Variants in EEF1D observed in about 807,000 individuals in gnomAD.
EEF1D encodes the protein elongation factor 1-delta.
EEF1D carries 47 observed loss-of-function variants against 63.9 expected under a neutral mutation model. The observed-to-expected ratio is 0.74, with a 90% CI of 0.58 to 0.94. The LOEUF is 0.94. Among genes scored for constraint, EEF1D ranks in the 40% least tolerant of loss-of-function variants. The pLI, the probability that EEF1D is intolerant of heterozygous loss-of-function variation, is 0.00. For synonymous variants in EEF1D, 412 were observed against 386.1 expected, an observed-to-expected ratio of 1.07 and a Z score of -0.79; for missense variants, 907 against 899.0, an observed-to-expected ratio of 1.01 and a Z score of -0.11.
rs778891496 is a variant in EEF1D at position 143,589,972 on chromosome 8, G to A, written c.110C>T (p.Ala37Val). The A allele has an allele frequency of 6.3e-7, 1 of 1,599,036 alleles. No individual in the cohort carries two copies. The highest frequency in any genetic ancestry group is 1.1e-5 in the South Asian group (1 of 91,030). Residue 37 changes from alanine to valine, a missense_variant, in exon 3 of 10, where the codon GCC becomes GTC. By Grantham distance (64) the Ala-to-Val change is moderately conservative. Coordinates refer to ENST00000618139, the MANE Select transcript of EEF1D (RefSeq NM_001130053.5). ...CTCGGCTGGCAGCTGCTGGGCGGAGGCGGCCGCCTGTGTGGCCTCGTGTTC... is the reference window on the plus strand; with the variant it reads ...CTCGGCTGGCAGCTGCTGGGCGGAGACGGCCGCCTGTGTGGCCTCGTGTTC... The part of the protein sequence containing the change: ...FYEHEATQAA[A>V]SAQQLPAEGP...
chr8:143,592,144 C>G (rs1828076742), intron 2 of EEF1D: 2 of 985,516 alleles, frequency 2.0e-6, no homozygotes, highest in African/African-American at 3.5e-5. Context: ...GGGGTGGGAG[C>G]AAGAGCCCAG....
intron 2 of EEF1D, among the ~76,000 whole-genome samples, chr8:143,591,473 C>G (rs1240990269): frequency 2.0e-5 from 3 of 152,230 alleles, no homozygotes; most frequent in Non-Finnish European, 4.4e-5. Flanking sequence ...GGTCAGCACC[C>G]CAGCCCGCGC....
chr8:143,596,740 C>T (rs1006743165), intron 1 of EEF1D: 1 of 152,302 alleles, frequency 6.6e-6, no homozygotes, highest in Non-Finnish European at 1.5e-5. Context: ...TTCTTCCTTC[C>T]ACTTAAAGCC....
chr8:143,592,315 GCTC>G lies in EEF1D; in HGVS notation c.-1+329_-1+331del, dbSNP rs953225477. On this transcript the variant is annotated intron_variant, in intron 2 of 9. Transcript: ENST00000618139. ...GTGGCCTCAGACTATGTTCTTGGGGGCTCCGGGCAGAAGCCGCCGCTCAGGGAG... is the reference window on the plus strand; with the variant it reads ...GTGGCCTCAGACTATGTTCTTGGGGGCGGGCAGAAGCCGCCGCTCAGGGAG... 4.1e-6 allele frequency: 4 copies of G among 978,966 alleles called. No homozygotes were observed. The African/African-American group carries it at 7.0e-5, about 17-fold the overall frequency. The allele number at this position is 978,966 out of a possible 1,614,324, so 60.6% of individuals were successfully genotyped here. A position where few individuals can be genotyped will look rare whatever the true frequency, so the allele number is the denominator to read the frequency against.
chr8:143,580,353 C>T lies in EEF1D; in HGVS notation c.1711-147G>A. The T allele has an allele frequency of 1.6e-6, 2 of 1,237,214 alleles. 1 individual carries two copies. The highest frequency in any genetic ancestry group is 2.9e-5 in the South Asian group (2 of 68,352). 76.6% of individuals were successfully genotyped at this position (1,237,214 alleles called of 1,614,324 possible). A position where few individuals can be genotyped will look rare whatever the true frequency, so the allele number is the denominator to read the frequency against. On this transcript the variant is annotated intron_variant, in intron 8 of 9. Coordinates refer to ENST00000618139, the MANE Select transcript of EEF1D (RefSeq NM_001130053.5). The stretch of plus-strand genomic sequence containing the variant: ...GAAAACAATCCAAATTCACACCTTC[C>T]TGCCTCCAAGTTTGTGTTTATCCCA...
chr8:143,597,400 G>C lies in EEF1D; in HGVS notation c.-67C>G, dbSNP rs1267158597. 6.6e-6 allele frequency: 1 copy of C among 152,064 alleles called. No homozygotes were observed. The highest frequency in any genetic ancestry group is 1.5e-5 in the Non-Finnish European group (1 of 67,988). 9.4% of individuals were successfully genotyped at this position (152,064 alleles called of 1,614,324 possible). A position where few individuals can be genotyped will look rare whatever the true frequency, so the allele number is the denominator to read the frequency against. On this transcript the variant is annotated 5_prime_UTR_variant, in exon 1 of 10. Transcript: ENST00000618139. The stretch of plus-strand genomic sequence containing the variant: ...GAGGAGGAATCGGCGGACGCGGGAA[G>C]ACTGATGAAAGGGAGGGCCGCCCGG...
chr8:143,589,641 G>C lies in EEF1D; in HGVS notation c.441C>G (p.Leu147=). The C allele has an allele frequency of 3.9e-6, 6 of 1,541,928 alleles. No individual in the cohort carries two copies. The highest frequency in any genetic ancestry group is 5.2e-6 in the Non-Finnish European group (6 of 1,143,048). The change falls in exon 3 of 10, where the codon CTC becomes CTG. Residue 147 remains leucine (L), a synonymous_variant. Transcript: ENST00000618139. The part of the protein sequence containing the change: ...AWPPALAPWG[L]CTHGNQVACH... The stretch of plus-strand genomic sequence containing the variant: ...AGGCCACCTGGTTTCCATGGGTGCA[G>C]AGACCCCAAGGGGCCAAGGCAGGAG...
At chr8:143,587,490 T>G (rs1288840875) in intron 3 of EEF1D, 1 of 152,252 alleles carries the variant, frequency 6.6e-6, no homozygotes, top group Non-Finnish European at 1.5e-5. Context: ...CCACTGTGCC[T>G]GGCTAATTTT....
chr8:143,589,829 G>T lies in EEF1D; in HGVS notation c.253C>A (p.Gln85Lys). The change falls in exon 3 of 10, where the codon CAG becomes AAG. Residue 85 changes from glutamine (Q) to lysine (K), a missense_variant. Transcript: ENST00000618139. ...TTGGGGGAGCGCTTCCTCTTTTTCT[G>T]CAGGGGCTTCCTGCTGTCCTGGCTC... Reference protein sequence around the residue: ...RKSQDSRKPLQKKRKRSPKSG... With the variant: ...RKSQDSRKPLKKKRKRSPKSG... 2 of 1,603,752 alleles carry T rather than the reference G, an allele frequency of 1.2e-6. No homozygotes were observed. The highest frequency in any genetic ancestry group is 1.7e-6 in the Non-Finnish European group (2 of 1,176,666).
chr8:143,592,392 C>G (rs1563991461), intron 2 of EEF1D, among the ~76,000 whole-genome samples: 2 of 152,114 alleles, frequency 1.3e-5, no homozygotes, highest in Non-Finnish European at 2.9e-5. Flanking sequence ...GCCACCTGTT[C>G]CCTGCAGGGA....
At chr8:143,579,904 G>A (rs1252023064) in intron 9 of EEF1D, 74 bp from the exon 10 acceptor site, 1 of 1,543,898 alleles carries the variant, frequency 6.5e-7, no homozygotes, top group Non-Finnish European at 8.8e-7. Context: ...CTCCTCTGAG[G>A]TGGGGTTCAC....
intron 5 of EEF1D, among the ~76,000 whole-genome samples, chr8:143,584,507 C>A (rs935372018): frequency 3.9e-5 from 6 of 152,092 alleles, no homozygotes; most frequent in Non-Finnish European, 7.4e-5. Flanking sequence ...GCTGAGGTTG[C>A]AGTGAGCCAG....
chr8:143,586,568 G>A (rs1204026149), intron 4 of EEF1D, among the ~76,000 whole-genome samples, 161 bp downstream of exon 4: 7 of 152,148 alleles, frequency 4.6e-5, no homozygotes, highest in African/African-American at 1.4e-4. Flanking sequence ...CCGGGGGCCC[G>A]GCCAAGGCCG....
At chr8:143,594,267 G>C (rs1828452658) in intron 1 of EEF1D, 1 of 152,294 alleles carries the variant, frequency 6.6e-6, no homozygotes, top group Non-Finnish European at 1.5e-5. Flanking sequence ...CCCAGAGTTT[G>C]AGAGTGCCCT....
At chr8:143,592,391 T>G (rs1828122389) in intron 2 of EEF1D, among the ~76,000 whole-genome samples, 1 of 151,034 alleles carries the variant, frequency 6.6e-6, no homozygotes, top group Non-Finnish European at 1.5e-5. Context: ...TGCCACCTGT[T>G]CCCTGCAGGG....
intron 5 of EEF1D, among the ~76,000 whole-genome samples, chr8:143,585,172 T>C (rs1481612901): frequency 6.6e-6 from 1 of 152,102 alleles, no homozygotes; most frequent in Admixed American, 6.5e-5. Context: ...AAAGAAGAAT[T>C]GGCAAACACG....
intron 3 of EEF1D, 41 bp from the exon 4 acceptor site, chr8:143,586,893 G>C: frequency 6.2e-7 from 1 of 1,609,308 alleles, no homozygotes; most frequent in African/African-American, 1.3e-5. Flanking sequence ...GCTGGGAAGT[G>C]GGCCTCGGCA....
At chr8:143,582,486 C>T (rs3829012) in intron 5 of EEF1D, 9,953 of 152,354 alleles carry the variant, frequency 0.065, 364 homozygotes, top group East Asian at 0.15. Context: ...GCAGACCTCC[C>T]GCGGGAGTGG....
At chr8:143,580,447 C>G (rs912737038) in intron 8 of EEF1D, 59 bp downstream of exon 8, 2 of 1,566,738 alleles carry the variant, frequency 1.3e-6, no homozygotes, top group African/African-American at 2.7e-5. Flanking sequence ...CAGGCTGAGC[C>G]GGCTAGGCGG....
Sources: gnomAD v4.1 joint callset for allele counts (sites outside exome capture counted in the v4.1 genomes callset) on GRCh38, gnomAD v4.1.1 for gene constraint, MANE v1.5 for transcripts, NCBI Gene and HGNC (gene_info 2026-07-23, HGNC 2026-07-21) for gene names.